TMEM117: variants seen among roughly 807,000 people sequenced by gnomAD.
The protein encoded by TMEM117 is transmembrane protein 117.
Under a neutral mutation model 52.4 loss-of-function variants are expected in TMEM117, and 27 were observed. The ratio of observed to expected loss-of-function variants is 0.51; its 90% CI spans 0.38 to 0.71. The LOEUF (loss-of-function observed/expected upper bound fraction) is 0.71. Ranked by LOEUF, TMEM117 falls within the 30% of genes least tolerant of loss-of-function variation. TMEM117 has a pLI of 0.00. For missense variants in TMEM117, 556 were observed against 630.5 expected, an observed-to-expected ratio of 0.88 and a Z score of 1.26; for synonymous variants, 215 against 206.3, an observed-to-expected ratio of 1.04 and a Z score of -0.36.
chr12:43,978,470 A>C (rs1317210399), intron 3 of TMEM117, among the ~76,000 whole-genome samples: 5 of 152,172 alleles, frequency 3.3e-5, no homozygotes, highest in Non-Finnish European at 5.9e-5. Context: ...TAGTAAGTCC[A>C]GAACGAGTGA....
At chr12:44,033,562 C>T (rs528561410) in intron 3 of TMEM117, among the ~76,000 whole-genome samples, 1 of 152,258 alleles carries the variant, frequency 6.6e-6, no homozygotes, top group Admixed American at 6.5e-5. Flanking sequence ...AGCCAACAAG[C>T]TCAGCTAACA....
intron 3 of TMEM117, among the ~76,000 whole-genome samples, chr12:44,082,295 C>T (rs1353080646): frequency 6.6e-6 from 1 of 151,808 alleles, no homozygotes; most frequent in Admixed American, 6.6e-5. Context: ...AACATTTTTT[C>T]TCTACGAATG....
chr12:43,817,564 G>C, the TMEM117 span, among the ~76,000 whole-genome samples: 1 of 152,226 alleles, frequency 6.6e-6, no homozygotes, highest in Non-Finnish European at 1.5e-5. Context: ...ATATTTCAGA[G>C]TGGACTTACA....
chr12:44,210,750 GA>G (rs947205265), intron 4 of TMEM117, among the ~76,000 whole-genome samples: 5 of 152,248 alleles, frequency 3.3e-5, no homozygotes, highest in African/African-American at 1.2e-4. Flanking sequence ...TGCAGGTGAG[GA>G]AAAGAGGAAG....
chr12:43,916,327 A>G (rs1170897339), intron 2 of TMEM117, among the ~76,000 whole-genome samples: 1 of 152,232 alleles, frequency 6.6e-6, no homozygotes, highest in Non-Finnish European at 1.5e-5. Flanking sequence ...AAAATGTAGC[A>G]AAGTTCAAAG....
At chr12:44,026,308 C>A (rs1015249526) in intron 3 of TMEM117, among the ~76,000 whole-genome samples, 11 of 152,206 alleles carry the variant, frequency 7.2e-5, no homozygotes, top group African/African-American at 2.2e-4. Flanking sequence ...CCTGCTGCCA[C>A]ATTTTTTTCT....
intron 2 of TMEM117, among the ~76,000 whole-genome samples, chr12:43,870,297 G>A (rs953785091): frequency 2.0e-5 from 3 of 150,222 alleles, no homozygotes; most frequent in African/African-American, 7.4e-5. Flanking sequence ...GTCTAGGCCT[G>A]TCGCCAGGCT....
At chr12:44,270,433 C>T (rs1157083626) in intron 5 of TMEM117, among the ~76,000 whole-genome samples, 8 of 152,198 alleles carry the variant, frequency 5.3e-5, no homozygotes, top group African/African-American at 1.9e-4. Flanking sequence ...TGTTGGTGTA[C>T]AGCAGAGCTA....
At chr12:43,825,183 T>A in the TMEM117 span, among the ~76,000 whole-genome samples, 1 of 152,196 alleles carries the variant, frequency 6.6e-6, no homozygotes, top group African/African-American at 2.4e-5. Flanking sequence ...CAGCTGAAGT[T>A]TTAAAGTAGT....
chr12:44,027,128 T>TA (rs1565797802), intron 3 of TMEM117, among the ~76,000 whole-genome samples: 1 of 142,998 alleles, frequency 7.0e-6, no homozygotes, highest in African/African-American at 2.6e-5. Context: ...TATTATTTTA[T>TA]TTTATATTTT....
intron 6 of TMEM117, among the ~76,000 whole-genome samples, chr12:44,370,550 C>A (rs1210838233): frequency 4.7e-5 from 7 of 147,886 alleles, no homozygotes; most frequent in Non-Finnish European, 1.5e-5. Context: ...ACTGTGTCGC[C>A]CAGGCTGGAC....
chr12:44,375,755 T>C (rs1366881463), intron 6 of TMEM117, among the ~76,000 whole-genome samples: 2 of 152,246 alleles, frequency 1.3e-5, no homozygotes, highest in Non-Finnish European at 2.9e-5. Context: ...TGAAAATGTG[T>C]ATACTAATGT....
intron 5 of TMEM117, among the ~76,000 whole-genome samples, chr12:44,240,806 G>A (rs1262318965): frequency 2.6e-5 from 4 of 151,956 alleles, no homozygotes; most frequent in Admixed American, 2.0e-4. Flanking sequence ...TCAGATGTTT[G>A]CAGTGAATAT....
At chr12:44,144,462 T>C (rs1948613741) in intron 4 of TMEM117, among the ~76,000 whole-genome samples, 1 of 152,218 alleles carries the variant, frequency 6.6e-6, no homozygotes, top group South Asian at 2.1e-4. Context: ...AGAAGGCAGA[T>C]AATGCCTGAC....
chr12:44,246,921 G>T (rs1295379222), intron 5 of TMEM117, among the ~76,000 whole-genome samples: 3 of 152,278 alleles, frequency 2.0e-5, no homozygotes, highest in Admixed American at 1.3e-4. Flanking sequence ...TGCATCTGTT[G>T]CATCCTGCAC....
intron 3 of TMEM117, among the ~76,000 whole-genome samples, chr12:43,977,909 T>C (rs571544048): frequency 1.9e-4 from 29 of 152,318 alleles, no homozygotes; most frequent in African/African-American, 6.5e-4. Flanking sequence ...TAGGTGAGAA[T>C]AGGTGTCAAT....
At chr12:44,129,295 T>C (rs1385132972) in intron 3 of TMEM117, among the ~76,000 whole-genome samples, 1 of 152,132 alleles carries the variant, frequency 6.6e-6, no homozygotes, top group African/African-American at 2.4e-5. Context: ...TTCCCCACAG[T>C]TTTTGTTTGG....
intron 5 of TMEM117, among the ~76,000 whole-genome samples, chr12:44,269,045 C>CT (rs1405813077): frequency 6.6e-6 from 1 of 152,014 alleles, no homozygotes; most frequent in African/African-American, 2.4e-5. Flanking sequence ...TTATCTCTTG[C>CT]TTTTTTTCAC....
intron 2 of TMEM117, among the ~76,000 whole-genome samples, chr12:43,866,303 T>C (rs1474021001): frequency 3.3e-5 from 5 of 151,282 alleles, no homozygotes; most frequent in Non-Finnish European, 5.9e-5. Flanking sequence ...CCAGCCAACA[T>C]ATACTTACAA....
Sources: allele counts gnomAD v4.1 joint callset (sites outside exome capture counted in the v4.1 genomes callset), GRCh38; gene constraint gnomAD v4.1.1; transcripts MANE v1.5; gene names NCBI Gene and HGNC (gene_info 2026-07-23, HGNC 2026-07-21).